MAP3K15: variants seen among roughly 807,000 people sequenced by gnomAD.
MAP3K15 encodes the protein MAPK/ERK kinase kinase 15.
Under a neutral mutation model 99.5 loss-of-function variants are expected in MAP3K15, and 124 were observed. That is an observed-to-expected ratio of 1.25 (90% CI 1.08 to 1.45). The LOEUF (loss-of-function observed/expected upper bound fraction) is 1.45, where lower values mean the gene tolerates loss of function less well. Among genes scored for constraint, MAP3K15 ranks in the 40% most tolerant of loss-of-function variants. MAP3K15 has a pLI of 0.00. For missense variants in MAP3K15, 1,242 were observed against 1,079.7 expected (o/e 1.15, Z -2.11); for synonymous variants, 494 against 439.6 (o/e 1.12, Z -1.55).
intron 25 of MAP3K15, among the ~76,000 whole-genome samples, chrX:19,366,883 T>C (rs2063338331): frequency 8.9e-6 from 1 of 111,861 alleles, no homozygotes; most frequent in African/African-American, 3.3e-5. Context: ...AATAACACAA[T>C]GACTATCGAC....
chrX:19,427,117 G>T (rs1012280097), intron 7 of MAP3K15, among the ~76,000 whole-genome samples: 117 of 107,511 alleles, frequency 1.1e-3, no homozygotes, highest in Non-Finnish European at 1.4e-3. Flanking sequence ...AGGACCACAG[G>T]TTTGTGCCAT....
At chrX:19,474,035 C>A (rs1301242040) in intron 3 of MAP3K15, among the ~76,000 whole-genome samples, 3 of 111,688 alleles carry the variant, frequency 2.7e-5, no homozygotes. Flanking sequence ...GTACTGTGAT[C>A]TTTTCCTAAG....
In MAP3K15 at chrX:19,464,417, G is replaced by GAAA. The variant is rs1569233733; in HGVS notation, c.526-14_526-12dup. On this transcript the variant is annotated splice_polypyrimidine_tract_variant and intron_variant, in intron 3 of 28. Coordinates refer to ENST00000338883, the MANE Select transcript of MAP3K15 (RefSeq NM_001001671.4). The stretch of plus-strand genomic sequence containing the variant: ...ATTTCCACTGGATGCCTGGAAAAAA[G>GAAA]AAACAAAGATGTTCCAGAAAGTAAC... 5 of 1,164,494 alleles carry GAAA rather than the reference G, an allele frequency of 4.3e-6. No individual in the cohort carries two copies. The highest frequency in any genetic ancestry group is 5.8e-6 in the Non-Finnish European group (5 of 869,198).
intron 15 of MAP3K15, among the ~76,000 whole-genome samples, chrX:19,395,491 T>C (rs931656748): frequency 2.5e-4 from 28 of 111,769 alleles, no homozygotes; most frequent in Non-Finnish European, 5.6e-5. Flanking sequence ...TTGTTACTAC[T>C]GTTATTTTTC....
At chrX:19,392,537 T>C in intron 16 of MAP3K15, 64 bp from the exon 17 acceptor site, 1 of 1,115,104 alleles carries the variant, frequency 9.0e-7, no homozygotes, top group South Asian at 2.0e-5. Context: ...TTCAGGGAAA[T>C]AAAGTGAGGT....
intron 18 of MAP3K15, among the ~76,000 whole-genome samples, chrX:19,385,684 A>G (rs1008451253): frequency 9.0e-6 from 1 of 111,478 alleles, no homozygotes; most frequent in African/African-American, 3.3e-5. Context: ...TTTACACAGG[A>G]GGCAACTGAG....
At position 19,400,620 on chromosome X, in the gene MAP3K15, T is replaced by A. The variant is rs201997444; in HGVS notation, c.1888A>T (p.Ser630Cys). 1.2e-4 allele frequency: 149 copies of A among 1,207,216 alleles called. No individual in the cohort carries two copies. The highest frequency in any genetic ancestry group is 1.6e-4 in the Non-Finnish European group (146 of 893,232). Residue 630 changes from serine to cysteine, a missense_variant, in exon 14 of 29, where the codon AGT becomes TGT. Physicochemically the swap from Ser to Cys is moderately radical, Grantham distance 112. Coordinates refer to ENST00000338883, the MANE Select transcript of MAP3K15 (RefSeq NM_001001671.4). ...VKEMITNTAG[S>C]TVELEGETDG... is the part of the protein sequence containing the mutation. ...GTCTCTCCCTCCAGCTCCACCGTAC[T>A]GCCTGCTGTATTGGTTATCATCTCT...
intron 1 of MAP3K15, among the ~76,000 whole-genome samples, chrX:19,490,180 C>CACACACACACACAT (rs1478553894): frequency 9.5e-5 from 9 of 95,121 alleles, no homozygotes; most frequent in African/African-American, 2.6e-4. Context: ...CACACACACA[C>CACACACACACACAT]ACACATACAT....
At chrX:19,378,112 C>T (rs1026192230) in intron 19 of MAP3K15, among the ~76,000 whole-genome samples, 1 of 112,697 alleles carries the variant, frequency 8.9e-6, no homozygotes, top group Non-Finnish European at 1.9e-5. Flanking sequence ...AAGAGGGAAG[C>T]AGAGAGCCTG....
At chrX:19,496,887 C>T (rs112464005) in intron 1 of MAP3K15, 1 of 108,333 alleles carries the variant, frequency 9.2e-6, no homozygotes, top group Non-Finnish European at 1.9e-5. Context: ...GTCCCCTACG[C>T]TTCCTCAGCA....
chrX:19,512,560 G>A (rs748092669), intron 1 of MAP3K15, among the ~76,000 whole-genome samples: 2 of 109,784 alleles, frequency 1.8e-5, no homozygotes, highest in African/African-American at 3.3e-5. Context: ...CCGCAGCATC[G>A]ACCTCCCGGG....
At position 19,512,662 on chromosome X, in the gene MAP3K15, T is replaced by TC. The variant is rs1478750615; in HGVS notation, c.361+2238_361+2239insG. Among the ~76,000 whole-genome samples, 12 of 101,311 alleles carry TC rather than the reference T, an allele frequency of 1.2e-4. No individual in the cohort carries two copies. In the East Asian group the frequency reaches 3.7e-3, roughly 31 times the overall value. The allele number at this position is 101,311 out of a possible 115,157, so 88.0% of individuals were successfully genotyped here. A position where few individuals can be genotyped will look rare whatever the true frequency, so the allele number is the denominator to read the frequency against. ...TCCTGCTTTTTTTTTTTTTTTTTTT[T>TC]TGCTCAGGTTGGTCTTGAACTCCTG... is the stretch of plus-strand genomic sequence containing the variant. On this transcript the variant is annotated intron_variant, in intron 1 of 28. Coordinates refer to ENST00000338883, the MANE Select transcript of MAP3K15 (RefSeq NM_001001671.4).
chrX:19,398,496 G>T, intron 14 of MAP3K15, 137 bp from the exon 15 acceptor site: 1 of 605,597 alleles, frequency 1.7e-6, no homozygotes, highest in Non-Finnish European at 2.5e-6. Flanking sequence ...ACAGTGCTTA[G>T]CTTAGGCCCT....
chrX:19,461,892 G>A (rs963074086), intron 4 of MAP3K15, among the ~76,000 whole-genome samples: 11 of 110,339 alleles, frequency 1.0e-4, no homozygotes, highest in African/African-American at 3.3e-4. Context: ...TTCGGAGGTC[G>A]AGGCAGGAGA....
rs2064097965 is a variant in MAP3K15 at position 19,456,978 on chromosome X, C to T, written c.930G>A (p.Met310Ile). ...GATCGGCCAAATCACACGTAGGCAG[C>T]ATCTCCAGTGTTTCCACCAGCTTCA... is the stretch of plus-strand genomic sequence containing the variant. ...AMVKLVETLE[M>I]LPTCDLADQH... Residue 310 changes from methionine (M) to isoleucine (I), a missense_variant, in exon 6 of 29, where the codon ATG (methionine) becomes ATA (isoleucine). Transcript: ENST00000338883. The T allele has an allele frequency of 1.7e-6, 2 of 1,197,787 alleles. No individual in the cohort carries two copies. The highest frequency in any genetic ancestry group is 1.7e-5 in the African/African-American group (1 of 57,237).
intron 6 of MAP3K15, among the ~76,000 whole-genome samples, chrX:19,434,755 G>A (rs1275637450): frequency 8.9e-6 from 1 of 112,019 alleles, no homozygotes; most frequent in Non-Finnish European, 1.9e-5. Context: ...GGATGCAGAA[G>A]AGAAATTCAA....
chrX:19,380,090 G>A (rs779954621), intron 19 of MAP3K15, 30 bp downstream of exon 19: 1 of 1,155,059 alleles, frequency 8.7e-7, no homozygotes, highest in Non-Finnish European at 1.2e-6. Context: ...TCCCAACCAC[G>A]CCCAACCTCA....
intron 9 of MAP3K15, among the ~76,000 whole-genome samples, chrX:19,424,199 C>T (rs1292887769): frequency 9.3e-6 from 1 of 108,100 alleles, no homozygotes; most frequent in Non-Finnish European, 1.9e-5. Context: ...TATATACACA[C>T]ACACACACAC....
At chrX:19,501,506 C>T (rs985204844) in intron 1 of MAP3K15, among the ~76,000 whole-genome samples, 4 of 111,484 alleles carry the variant, frequency 3.6e-5, no homozygotes, top group African/African-American at 1.3e-4. Flanking sequence ...TTAATAAAAT[C>T]GTAAGTGCAC....
Sources: allele counts gnomAD v4.1 joint callset (sites outside exome capture counted in the v4.1 genomes callset), GRCh38; gene constraint gnomAD v4.1.1; transcripts MANE v1.5; gene names NCBI Gene and HGNC (gene_info 2026-07-23, HGNC 2026-07-21).